SNURF: variants seen among roughly 807,000 people sequenced by gnomAD.
SNURF encodes the protein SNURF protein.
In SNURF, 6 loss-of-function variants were observed where a neutral mutation model predicts 11.6. That is an observed-to-expected ratio of 0.52 (90% CI 0.28 to 1.02). The LOEUF (loss-of-function observed/expected upper bound fraction) is 1.02, where lower values mean the gene tolerates loss of function less well. Among genes scored for constraint, SNURF ranks in the 50% least tolerant of loss-of-function variants. SNURF has a pLI of 0.09. For missense variants in SNURF, 84 were observed against 88.4 expected (o/e 0.95, Z 0.20); for synonymous variants, 29 against 31.6 (o/e 0.92, Z 0.27).
At chr15:24,974,465 TATG>T in intron 3 of SNURF, 1 of 1,613,718 alleles carries the variant, frequency 6.2e-7, no homozygotes, top group Non-Finnish European at 8.5e-7. Flanking sequence ...TGGTAAGCTG[TATG>T]ATAAGGCTGA....
At chr15:24,967,833 TATCTTCTTA>T in intron 2 of SNURF, 90 bp from the exon 3 acceptor site, 1 of 741,102 alleles carries the variant, frequency 1.3e-6, no homozygotes, top group East Asian at 3.3e-5. Flanking sequence ...AAAAAAGGAA[TATCTTCTTA>T]AATGTAAGGG....
At position 24,957,393 on chromosome 15, in the gene SNURF, C is replaced by T. The variant is rs571917950; in HGVS notation, c.14+2331C>T. Among the ~76,000 whole-genome samples, 26 of 152,230 alleles carry T rather than the reference C, an allele frequency of 1.7e-4. No individual in the cohort carries two copies. In the South Asian group the frequency reaches 5.4e-3, roughly 32 times the overall value. ...GGTTGTGCTTTGGATCAGTTACTGT[C>T]TTTTTTTGGATTTTTAAATTAATGA... is the stretch of plus-strand genomic sequence containing the variant. On this transcript the variant is annotated intron_variant, in intron 1 of 2. Transcript: ENST00000577949.
intron 5 of SNURF, chr15:24,976,823 AT>A (rs1235887887): frequency 2.0e-6 from 3 of 1,514,104 alleles, no homozygotes; most frequent in Non-Finnish European, 2.7e-6. Context: ...ATGAATAAGA[AT>A]ACTGAGAACT....
chr15:24,974,426 G>A, intron 3 of SNURF: 5 of 1,612,334 alleles, frequency 3.1e-6, no homozygotes, highest in Non-Finnish European at 4.2e-6. Context: ...TTTTAACTGT[G>A]GACATTGGAT....
chr15:24,968,186 CTTCAT>C, exon 3 of SNURF: 1 of 730,872 alleles, frequency 1.4e-6, no homozygotes. Context: ...TTCCTTAGAG[CTTCAT>C]ACAATAAACA....
chr15:24,974,934 G>A (rs1225357007), intron 3 of SNURF: 1 of 702,992 alleles, frequency 1.4e-6, no homozygotes, highest in Admixed American at 2.0e-5. Context: ...GTGAAGGACT[G>A]TCCTGCAGAT....
rs201526420 is a variant in SNURF at position 24,974,503 on chromosome 15, G to A, written c.*46-855G>A. The stretch of plus-strand genomic sequence containing the variant: ...AGGGTTGAAATGTGCTGTAAGGGCC[G>A]AAAGAAATAGTTTGCCAGCATGTGC... On this transcript the variant is annotated intron_variant and NMD_transcript_variant, in intron 3 of 6. Transcript: ENST00000580062. 5.7e-5 allele frequency: 90 copies of A among 1,591,796 alleles called. No homozygotes were observed. The African/African-American group carries it at 8.5e-4, about 15-fold the overall frequency.
At chr15:24,968,565 T>G (rs1027593865), downstream of SNURF, among the ~76,000 whole-genome samples, 7 of 152,176 alleles carry the variant, frequency 4.6e-5, no homozygotes, top group Non-Finnish European at 1.0e-4. Context: ...AAGTATTAAA[T>G]TAGTATTCAT....
At chr15:24,975,203 A>G (rs2076930990) in intron 3 of SNURF, among the ~76,000 whole-genome samples, 1 of 152,220 alleles carries the variant, frequency 6.6e-6, no homozygotes. Context: ...AAAGAGCCAT[A>G]CTAAATATGG....
chr15:24,978,457 C>A, downstream of SNURF: 1 of 1,611,562 alleles, frequency 6.2e-7, no homozygotes, highest in Non-Finnish European at 8.5e-7. Flanking sequence ...TACTGTTGAT[C>A]CATCTCAGTC....
At chr15:24,972,262 A>C (rs2076510754), downstream of SNURF, among the ~76,000 whole-genome samples, 1 of 151,572 alleles carries the variant, frequency 6.6e-6, no homozygotes, top group South Asian at 2.1e-4. Context: ...TCTCAAAAAA[A>C]AAAAAAAAAG....
downstream of SNURF, among the ~76,000 whole-genome samples, chr15:24,973,814 G>C (rs575033157): frequency 6.6e-6 from 1 of 152,124 alleles, no homozygotes; most frequent in Admixed American, 6.5e-5. Flanking sequence ...GGAAGTCTTA[G>C]GCAGGTTTAT....
intron 5 of SNURF, chr15:24,976,760 G>A (rs1005318837): frequency 6.7e-6 from 6 of 889,440 alleles, no homozygotes; most frequent in South Asian, 1.5e-5. Flanking sequence ...TTTGGACACA[G>A]AACTAATATG....
intron 2 of SNURF, among the ~76,000 whole-genome samples, chr15:24,967,701 G>A (rs2075850793): frequency 6.6e-6 from 1 of 150,964 alleles, no homozygotes; most frequent in Non-Finnish European, 1.5e-5. Flanking sequence ...CCAGCTACTT[G>A]GGAGGCTGAG....
chr15:24,969,354 C>G (rs1333935223), downstream of SNURF, among the ~76,000 whole-genome samples: 1 of 151,244 alleles, frequency 6.6e-6, no homozygotes, highest in East Asian at 2.0e-4. Context: ...GTCTCAAACT[C>G]CTGAACTCAG....
At chr15:24,977,385 A>G (rs1442470665) in intron 6 of SNURF, among the ~76,000 whole-genome samples, 2 of 152,026 alleles carry the variant, frequency 1.3e-5, no homozygotes, top group East Asian at 3.9e-4. Flanking sequence ...TACGCCTGTA[A>G]TCCAGCACTT....
chr15:24,958,935 C>G (rs942192814), intron 1 of SNURF: 1 of 152,710 alleles, frequency 6.5e-6, no homozygotes, highest in Non-Finnish European at 1.5e-5. Flanking sequence ...CCAGACTGGT[C>G]TCGAACTCCT....
chr15:24,960,509 T>G (rs981699727), intron 1 of SNURF, among the ~76,000 whole-genome samples: 2 of 152,004 alleles, frequency 1.3e-5, no homozygotes, highest in African/African-American at 4.8e-5. Flanking sequence ...CCAGCTAATT[T>G]TTGTATTTTT....
exon 4 of SNURF, chr15:24,975,390 C>T: frequency 1.2e-6 from 2 of 1,613,530 alleles, no homozygotes; most frequent in Non-Finnish European, 1.7e-6. Flanking sequence ...TGCTGCAGCA[C>T]ATTGACTATA....
Sources: allele counts gnomAD v4.1 joint callset (sites outside exome capture counted in the v4.1 genomes callset), GRCh38; gene constraint gnomAD v4.1.1; transcripts MANE v1.5; gene names NCBI Gene and HGNC (gene_info 2026-07-23, HGNC 2026-07-21).